The following SCHIP1 variants were observed in gnomAD, a reference collection of about 807,000 sequenced individuals.
SCHIP1 encodes schwannomin-interacting protein 1.
A neutral mutation model predicts 29.7 loss-of-function variants in SCHIP1; 8 were observed. The observed-to-expected ratio is 0.27, with a 90% CI of 0.16 to 0.49. SCHIP1 has a LOEUF of 0.49. Among genes scored for constraint, SCHIP1 ranks in the 20% least tolerant of loss-of-function variants. SCHIP1 has a pLI of 0.99. For synonymous variants in SCHIP1, 76 were observed against 94.9 expected (o/e 0.80, Z 1.16); for missense variants, 193 against 294.6 (o/e 0.66, Z 2.52).
the SCHIP1 span, among the ~76,000 whole-genome samples, chr3:159,285,588 CTTT>C: frequency 6.6e-6 from 1 of 151,780 alleles, no homozygotes; most frequent in Non-Finnish European, 1.5e-5. Flanking sequence ...TATTTCATTG[CTTT>C]TTTTGTTTCT....
At chr3:159,873,592 C>A (rs1052961378) in intron 2 of SCHIP1, among the ~76,000 whole-genome samples, 1 of 152,150 alleles carries the variant, frequency 6.6e-6, no homozygotes, top group African/African-American at 2.4e-5. Flanking sequence ...AATAGTGCAG[C>A]AAAATAATAT....
At chr3:159,564,192 T>C in the SCHIP1 span, among the ~76,000 whole-genome samples, 4 of 152,120 alleles carry the variant, frequency 2.6e-5, no homozygotes, top group African/African-American at 9.7e-5. Flanking sequence ...ATGTGTTACA[T>C]TGTGAATGTA....
chr3:159,512,893 A>T, the SCHIP1 span, among the ~76,000 whole-genome samples: 3 of 152,142 alleles, frequency 2.0e-5, no homozygotes, highest in African/African-American at 4.8e-5. Flanking sequence ...TCTACTCTCT[A>T]TGAGTTCAAT....
chr3:159,278,576 A>G, the SCHIP1 span, among the ~76,000 whole-genome samples: 1 of 152,304 alleles, frequency 6.6e-6, no homozygotes, highest in African/African-American at 2.4e-5. Context: ...GTATCCTTTC[A>G]ATCTGTATAG....
chr3:159,530,542 A>T, the SCHIP1 span, among the ~76,000 whole-genome samples: 3 of 152,112 alleles, frequency 2.0e-5, no homozygotes, highest in Non-Finnish European at 2.9e-5. Flanking sequence ...ATTCCTGGAA[A>T]TATCCATCTC....
chr3:159,672,075 T>C, the SCHIP1 span, among the ~76,000 whole-genome samples: 1 of 152,226 alleles, frequency 6.6e-6, no homozygotes, highest in African/African-American at 2.4e-5. Context: ...TAAAATCTGA[T>C]ATCTCACAAG....
intron 2 of SCHIP1, among the ~76,000 whole-genome samples, chr3:159,870,000 C>T (rs1364797665): frequency 6.6e-6 from 1 of 151,896 alleles, no homozygotes; most frequent in Non-Finnish European, 1.5e-5. Context: ...AAATTCTCTT[C>T]AGTAATGCTT....
chr3:159,480,790 G>C, the SCHIP1 span, among the ~76,000 whole-genome samples: 1 of 152,126 alleles, frequency 6.6e-6, no homozygotes, highest in African/African-American at 2.4e-5. Context: ...GCAACACCTG[G>C]GTGTCACGCA....
chr3:159,650,382 C>A, the SCHIP1 span, among the ~76,000 whole-genome samples: 1 of 152,038 alleles, frequency 6.6e-6, no homozygotes, highest in Admixed American at 6.6e-5. Flanking sequence ...TCAAAAACTA[C>A]AAAATAAAAT....
chr3:159,404,652 G>A, the SCHIP1 span, among the ~76,000 whole-genome samples: 1 of 152,320 alleles, frequency 6.6e-6, no homozygotes, highest in East Asian at 1.9e-4. Flanking sequence ...TAAGGTTTCT[G>A]ACTTCAGGCC....
chr3:159,808,511 G>C, the SCHIP1 span: 1 of 152,216 alleles, frequency 6.6e-6, no homozygotes, highest in Non-Finnish European at 1.5e-5. Flanking sequence ...GACATATCAG[G>C]TATTAAGCTG....
At chr3:159,314,309 T>G in the SCHIP1 span, among the ~76,000 whole-genome samples, 1 of 152,216 alleles carries the variant, frequency 6.6e-6, no homozygotes, top group African/African-American at 2.4e-5. Context: ...GGAAGTCCAG[T>G]ATTTGGAGTT....
chr3:159,853,805 AG>A (rs1712977974), intron 1 of SCHIP1, among the ~76,000 whole-genome samples: 1 of 152,238 alleles, frequency 6.6e-6, no homozygotes, highest in African/African-American at 2.4e-5. Flanking sequence ...AAAAATTACT[AG>A]AATGTTTAAC....
rs1248079267 is a variant in SCHIP1 at position 159,886,195 on chromosome 3, G to A, written c.150-12G>A. The stretch of plus-strand genomic sequence containing the variant: ...GCTAAGTAGAACTAGTGTCCTGTTT[G>A]TTTCTGCCCAGACTGCAGAGTGGGA... On this transcript the variant is annotated splice_polypyrimidine_tract_variant and intron_variant, in intron 2 of 6. Transcript: ENST00000445224. 1.2e-6 allele frequency: 2 copies of A among 1,613,754 alleles called. No homozygotes were observed. The highest frequency in any genetic ancestry group is 2.7e-5 in the African/African-American group (2 of 74,928).
the SCHIP1 span, among the ~76,000 whole-genome samples, chr3:159,396,021 A>G: frequency 6.6e-6 from 1 of 151,742 alleles, no homozygotes; most frequent in African/African-American, 2.4e-5. Context: ...GGGTGCATAT[A>G]TATTTAGGAT....
intron 2 of SCHIP1, among the ~76,000 whole-genome samples, chr3:159,873,003 G>GA (rs918916574): frequency 5.3e-5 from 8 of 152,154 alleles, no homozygotes; most frequent in African/African-American, 1.9e-4. Flanking sequence ...AATAGTATTT[G>GA]AAAAACCATT....
the SCHIP1 span, among the ~76,000 whole-genome samples, chr3:159,316,224 T>C: frequency 1.3e-5 from 2 of 152,084 alleles, no homozygotes; most frequent in African/African-American, 4.8e-5. Context: ...TTATTAAGTA[T>C]TAACTTACAC....
At chr3:159,650,315 T>G in the SCHIP1 span, among the ~76,000 whole-genome samples, 1 of 152,176 alleles carries the variant, frequency 6.6e-6, no homozygotes, top group Admixed American at 6.5e-5. Context: ...TCAAATTAAT[T>G]TACTTGTGCT....
At chr3:159,831,797 T>C in the SCHIP1 span, among the ~76,000 whole-genome samples, 16 of 152,190 alleles carry the variant, frequency 1.1e-4, no homozygotes, top group Non-Finnish European at 7.3e-5. Context: ...TTAAAACTTA[T>C]GAATTGTTTA....
Sources: allele counts gnomAD v4.1 joint callset (sites outside exome capture counted in the v4.1 genomes callset), GRCh38; gene constraint gnomAD v4.1.1; transcripts MANE v1.5; gene names NCBI Gene and HGNC (gene_info 2026-07-23, HGNC 2026-07-21).